Variants in NEGR1 observed in about 807,000 individuals in gnomAD.
NEGR1 encodes the protein neuronal growth regulator 1, also known as IgLON family member 4.
Under a neutral mutation model 40.9 loss-of-function variants are expected in NEGR1, and 10 were observed. The ratio of observed to expected loss-of-function variants is 0.24; its 90% CI spans 0.15 to 0.42. The LOEUF (loss-of-function observed/expected upper bound fraction) is 0.42, where lower values mean the gene tolerates loss of function less well. Among genes scored for constraint, NEGR1 ranks in the 10% least tolerant of loss-of-function variants. The pLI is 1.00. For missense variants in NEGR1, 352 were observed against 438.9 expected (o/e 0.80, Z 1.77); for synonymous variants, 185 against 166.8 (o/e 1.11, Z -0.84).
intron 2 of NEGR1, among the ~76,000 whole-genome samples, chr1:71,869,587 T>C (rs761554273): frequency 1.3e-5 from 2 of 152,138 alleles, no homozygotes; most frequent in Non-Finnish European, 2.9e-5. Flanking sequence ...GGCTTGTTAT[T>C]TTGAGGTAAT....
intron 5 of NEGR1, among the ~76,000 whole-genome samples, chr1:71,601,891 C>T (rs1649931278): frequency 6.6e-6 from 1 of 151,974 alleles, no homozygotes; most frequent in Admixed American, 6.6e-5. Context: ...CCCTAGAAAC[C>T]CAAACCTCAC....
chr1:71,597,470 C>CTGTGTGTGTG (rs1365847832), intron 5 of NEGR1, among the ~76,000 whole-genome samples: 776 of 24,724 alleles, frequency 0.031, 5 homozygotes, highest in Non-Finnish European at 0.076. Context: ...CTCTCTCTCT[C>CTGTGTGTGTG]TCTGTGTGTG....
intron 6 of NEGR1, among the ~76,000 whole-genome samples, chr1:71,570,074 T>C (rs185088621): frequency 3.9e-5 from 6 of 152,348 alleles, no homozygotes; most frequent in Admixed American, 1.3e-4. Context: ...CAAAAAAGTT[T>C]CAATGCAAGA....
At chr1:72,042,403 A>G (rs1646964320) in intron 1 of NEGR1, among the ~76,000 whole-genome samples, 2 of 151,978 alleles carry the variant, frequency 1.3e-5, no homozygotes, top group Non-Finnish European at 2.9e-5. Flanking sequence ...GAATTTAGCC[A>G]GAGAGTGCAT....
chr1:71,433,849 G>C (rs1646486262), intron 6 of NEGR1, among the ~76,000 whole-genome samples: 1 of 152,180 alleles, frequency 6.6e-6, no homozygotes, highest in Non-Finnish European at 1.5e-5. Context: ...GTTACTGGTA[G>C]TAAACTGGTA....
intron 2 of NEGR1, among the ~76,000 whole-genome samples, chr1:71,862,935 A>C (rs1659995609): frequency 6.6e-6 from 1 of 152,186 alleles, no homozygotes; most frequent in Non-Finnish European, 1.5e-5. Context: ...GATTATTAAA[A>C]AGTCAAGAAA....
At chr1:71,620,809 G>T (rs937815622) in intron 4 of NEGR1, among the ~76,000 whole-genome samples, 1 of 151,746 alleles carries the variant, frequency 6.6e-6, no homozygotes, top group Admixed American at 6.6e-5. Flanking sequence ...TTTACACAGT[G>T]GTGAAATAAT....
At position 72,220,969 on chromosome 1, in the gene NEGR1, C is replaced by A. The variant is rs932082744; in HGVS notation, c.176+61350G>T. On this transcript the variant is annotated intron_variant, in intron 1 of 6. Transcript: ENST00000357731. ...CAATGCATTTGTTTGCTAGAGCTGACATATAAAATTACCATAATCTAGGTG... is the reference window on the plus strand; with the variant it reads ...CAATGCATTTGTTTGCTAGAGCTGAAATATAAAATTACCATAATCTAGGTG... 4.8e-5 allele frequency among the ~76,000 whole-genome samples: 7 copies of A among 145,640 alleles called. No homozygotes were observed. In the Admixed American group the frequency reaches 4.9e-4, roughly 10 times the overall value.
chr1:71,690,415 A>C (rs1392699743), intron 4 of NEGR1, among the ~76,000 whole-genome samples: 1 of 151,840 alleles, frequency 6.6e-6, no homozygotes, highest in Non-Finnish European at 1.5e-5. Context: ...GTACTGACTA[A>C]AGTAATGTTT....
At chr1:71,596,661 A>T (rs1302348530) in intron 5 of NEGR1, among the ~76,000 whole-genome samples, 1 of 152,214 alleles carries the variant, frequency 6.6e-6, no homozygotes, top group Admixed American at 6.5e-5. Flanking sequence ...GAGCAGCTAC[A>T]CTGGACCTCA....
At chr1:71,485,207 C>A (rs1646880244) in intron 6 of NEGR1, among the ~76,000 whole-genome samples, 1 of 113,634 alleles carries the variant, frequency 8.8e-6, no homozygotes, top group South Asian at 3.4e-4. Flanking sequence ...ATTTCTTATG[C>A]TCCTCTCCTT....
chr1:71,790,647 T>C (rs1657082229), intron 2 of NEGR1, among the ~76,000 whole-genome samples: 1 of 152,028 alleles, frequency 6.6e-6, no homozygotes, highest in Non-Finnish European at 1.5e-5. Context: ...AAACAAGAAG[T>C]ATCCTAACAA....
chr1:71,881,875 A>G (rs1557687119), intron 2 of NEGR1, among the ~76,000 whole-genome samples: 1 of 152,094 alleles, frequency 6.6e-6, no homozygotes, highest in Non-Finnish European at 1.5e-5. Flanking sequence ...TTTCAGCTAC[A>G]TCTGTGTACT....
At chr1:72,010,704 C>T (rs971566522) in intron 1 of NEGR1, among the ~76,000 whole-genome samples, 1 of 148,790 alleles carries the variant, frequency 6.7e-6, no homozygotes, top group Non-Finnish European at 1.5e-5. Context: ...TCAAGGGAAA[C>T]TTGACTTTGG....
intron 1 of NEGR1, among the ~76,000 whole-genome samples, chr1:72,061,163 C>T (rs1223371882): frequency 6.6e-6 from 1 of 151,462 alleles, no homozygotes; most frequent in Non-Finnish European, 1.5e-5. Context: ...AAAAGATTAA[C>T]ATAAAAAAGA....
intron 2 of NEGR1, among the ~76,000 whole-genome samples, chr1:71,882,705 A>G (rs1433642756): frequency 1.3e-5 from 2 of 150,664 alleles, no homozygotes; most frequent in East Asian, 2.0e-4. Context: ...ACTACCTACT[A>G]AAAAATCTTC....
intron 4 of NEGR1, among the ~76,000 whole-genome samples, chr1:71,664,232 A>G (rs1382349816): frequency 2.6e-5 from 4 of 152,174 alleles, no homozygotes. Flanking sequence ...CAATGCCTTT[A>G]CACTGAGTGA....
At chr1:71,832,962 C>T (rs1218699548) in intron 2 of NEGR1, among the ~76,000 whole-genome samples, 1 of 151,872 alleles carries the variant, frequency 6.6e-6, no homozygotes, top group Non-Finnish European at 1.5e-5. Context: ...TTTGGGAACT[C>T]AAAATGGAAA....
intron 6 of NEGR1, among the ~76,000 whole-genome samples, chr1:71,521,611 A>G (rs560906026): frequency 3.8e-4 from 58 of 152,208 alleles, no homozygotes; most frequent in African/African-American, 1.3e-3. Context: ...TGTGTGGCAC[A>G]GTATGTTTCA....
Sources: allele counts gnomAD v4.1 joint callset (sites outside exome capture counted in the v4.1 genomes callset), GRCh38; gene constraint gnomAD v4.1.1; transcripts MANE v1.5; gene names NCBI Gene and HGNC (gene_info 2026-07-23, HGNC 2026-07-21).